CHL1: variants seen among roughly 807,000 people sequenced by gnomAD.
CHL1 encodes cell adhesion molecule L1 like.
Under a neutral mutation model 141.9 loss-of-function variants are expected in CHL1, and 96 were observed. That is an observed-to-expected ratio of 0.68 (90% CI 0.57 to 0.80). The LOEUF (loss-of-function observed/expected upper bound fraction) is 0.80. Among genes scored for constraint, CHL1 ranks in the 30% least tolerant of loss-of-function variants. The probability of loss-of-function intolerance (pLI) is 0.00; values close to 1 mark genes in which losing one functional copy is unlikely to be tolerated. For missense variants in CHL1, 1,820 were observed against 1,457.2 expected (o/e 1.25, Z -4.05); for synonymous variants, 613 against 502.2 (o/e 1.22, Z -2.95).
Position 345,363 on chromosome 3 carries a change from G to A in CHL1, c.848+654G>A, listed in dbSNP as rs528457718. ...TCTGCTGCCCTTTGCACACATGGAGGTCCAGACCATGTAATTTAAGAGAGT... is the reference window on the plus strand; with the variant it reads ...TCTGCTGCCCTTTGCACACATGGAGATCCAGACCATGTAATTTAAGAGAGT... On this transcript the variant is annotated intron_variant, in intron 9 of 27. Coordinates refer to ENST00000256509, the MANE Select transcript of CHL1 (RefSeq NM_006614.4). Among the ~76,000 whole-genome samples, 9 of 152,136 alleles carry A rather than the reference G, an allele frequency of 5.9e-5. 1 individual carries two copies. The highest frequency in any genetic ancestry group is 2.2e-4 in the African/African-American group (9 of 41,490).
intron 1 of CHL1, among the ~76,000 whole-genome samples, chr3:200,505 T>C (rs1350817785): frequency 6.6e-6 from 1 of 152,238 alleles, no homozygotes; most frequent in Non-Finnish European, 1.5e-5. Context: ...ATTATGAACA[T>C]TTTGATTACA....
At chr3:349,318 G>C (rs2272524) in intron 9 of CHL1, 41 bp from the exon 10 acceptor site, 2 of 1,534,384 alleles carry the variant, frequency 1.3e-6, no homozygotes, top group Non-Finnish European at 1.8e-6. Flanking sequence ...TTTACTTTCC[G>C]CTTTTAAAAA....
intron 5 of CHL1, among the ~76,000 whole-genome samples, chr3:336,076 G>C (rs550537597): frequency 6.6e-5 from 10 of 152,148 alleles, no homozygotes; most frequent in Middle Eastern, 3.2e-3. Context: ...TTAAGTAGCA[G>C]ATTCAAAGAT....
chr3:202,646 G>T (rs73814172), intron 1 of CHL1, among the ~76,000 whole-genome samples: 1 of 152,072 alleles, frequency 6.6e-6, no homozygotes, highest in Non-Finnish European at 1.5e-5. Context: ...TTAGATTTGC[G>T]TACGCCGTCC....
intron 17 of CHL1, 35 bp downstream of exon 17, chr3:382,315 T>C (rs916720565): frequency 6.4e-7 from 1 of 1,569,210 alleles, no homozygotes; most frequent in Non-Finnish European, 8.7e-7. Flanking sequence ...TTCATTACTC[T>C]AGATAGTCAA....
intron 2 of CHL1, among the ~76,000 whole-genome samples, chr3:316,043 T>C (rs1025097827): frequency 6.6e-6 from 1 of 151,952 alleles, no homozygotes; most frequent in Non-Finnish European, 1.5e-5. Context: ...GACGTTTACA[T>C]AGTGTGCAGA....
intron 9 of CHL1, among the ~76,000 whole-genome samples, chr3:346,291 CTGTT>C (rs1702764977): frequency 1.3e-5 from 2 of 152,094 alleles, no homozygotes; most frequent in Admixed American, 1.3e-4. Context: ...GACACAGACT[CTGTT>C]TGGAATGTTT....
At chr3:229,823 T>C (rs1450193847) in intron 1 of CHL1, among the ~76,000 whole-genome samples, 2 of 152,206 alleles carry the variant, frequency 1.3e-5, no homozygotes, top group Non-Finnish European at 2.9e-5. Flanking sequence ...TCTTTTTGCC[T>C]TGAACTTGAA....
chr3:331,095 C>G (rs1170057131), intron 5 of CHL1, among the ~76,000 whole-genome samples: 1 of 152,098 alleles, frequency 6.6e-6, no homozygotes, highest in Non-Finnish European at 1.5e-5. Context: ...AAAGGCTGAA[C>G]AGTGAAAGGA....
At chr3:303,873 G>A (rs1015926344) in intron 2 of CHL1, among the ~76,000 whole-genome samples, 2 of 152,114 alleles carry the variant, frequency 1.3e-5, no homozygotes, top group African/African-American at 2.4e-5. Flanking sequence ...GCCATAAATA[G>A]CTCTTATTAT....
chr3:201,819 A>C (rs901945739), intron 1 of CHL1, among the ~76,000 whole-genome samples: 3 of 152,040 alleles, frequency 2.0e-5, no homozygotes, highest in Admixed American at 2.0e-4. Context: ...ATAGTTGTGG[A>C]GGTAGGAGCT....
chr3:241,024 G>A (rs528278869), intron 1 of CHL1, among the ~76,000 whole-genome samples: 1 of 152,198 alleles, frequency 6.6e-6, no homozygotes, highest in South Asian at 2.1e-4. Flanking sequence ...TATATATTAT[G>A]TTTTATTATG....
chr3:244,595 T>C lies in CHL1; in HGVS notation c.-174-18T>C, dbSNP rs1692982049. On this transcript the variant is annotated intron_variant, in intron 1 of 27. Transcript: ENST00000256509. ...TGATAATTGTTTCCAAAATTACAACTTTCTAATCTATCCCTAGGTGCTGTA... is the reference window on the plus strand; with the variant it reads ...TGATAATTGTTTCCAAAATTACAACCTTCTAATCTATCCCTAGGTGCTGTA... 1 of 152,234 alleles carries C rather than the reference T, an allele frequency of 6.6e-6. No individual in the cohort carries two copies. Among genetic ancestry groups the C allele is most frequent in the Admixed American group, 6.5e-5 (1 of 15,272 alleles). 9.4% of individuals were successfully genotyped at this position (152,234 alleles called of 1,614,324 possible).
At chr3:292,633 T>G (rs1295414333) in intron 2 of CHL1, among the ~76,000 whole-genome samples, 1 of 152,174 alleles carries the variant, frequency 6.6e-6, no homozygotes. Context: ...ACTTAGTAAT[T>G]TATAAAGAAA....
At chr3:231,781 T>C (rs910972668) in intron 1 of CHL1, among the ~76,000 whole-genome samples, 5 of 152,022 alleles carry the variant, frequency 3.3e-5, no homozygotes, top group African/African-American at 1.2e-4. Context: ...TTCACCATGT[T>C]GGCTAGGCTG....
chr3:229,814 C>A (rs775133549), intron 1 of CHL1, among the ~76,000 whole-genome samples: 3 of 152,142 alleles, frequency 2.0e-5, no homozygotes, highest in Non-Finnish European at 2.9e-5. Context: ...TCTTTAAATT[C>A]TTTTTGCCTT....
intron 27 of CHL1, among the ~76,000 whole-genome samples, chr3:404,635 AC>A (rs2106439482): frequency 6.6e-6 from 1 of 152,314 alleles, no homozygotes. Context: ...TGAATTGTTA[AC>A]TATATTAAAG....
At chr3:218,383 A>G (rs144108971) in intron 1 of CHL1, among the ~76,000 whole-genome samples, 8 of 152,332 alleles carry the variant, frequency 5.3e-5, no homozygotes, top group African/African-American at 1.7e-4. Flanking sequence ...TGGCATGATA[A>G]TGGTATCAAA....
At chr3:318,682 G>T (rs563887853) in intron 2 of CHL1, among the ~76,000 whole-genome samples, 1 of 151,174 alleles carries the variant, frequency 6.6e-6, no homozygotes, top group Admixed American at 6.6e-5. Flanking sequence ...ACTCACATTT[G>T]TAAATTTCAG....
Sources: allele counts gnomAD v4.1 joint callset (sites outside exome capture counted in the v4.1 genomes callset), GRCh38; gene constraint gnomAD v4.1.1; transcripts MANE v1.5; gene names NCBI Gene and HGNC (gene_info 2026-07-23, HGNC 2026-07-21).